Variants in SLC39A6 observed in about 807,000 individuals in gnomAD.
The protein encoded by SLC39A6 is solute carrier family 39 member 6, also known as zinc transporter ZIP6.
In SLC39A6, 51 loss-of-function variants were observed where a neutral mutation model predicts 63.5. The ratio of observed to expected loss-of-function variants is 0.80; its 90% CI spans 0.64 to 1.01. SLC39A6 has a LOEUF of 1.01. Among genes scored for constraint, SLC39A6 ranks in the 50% least tolerant of loss-of-function variants. The pLI, the probability that SLC39A6 is intolerant of heterozygous loss-of-function variation, is 0.00. For missense variants in SLC39A6, 805 were observed against 927.8 expected (o/e 0.87, Z 1.72); for synonymous variants, 318 against 324.7 (o/e 0.98, Z 0.22).
chr18:36,127,166 A>G, intron 1 of SLC39A6, 150 bp from the exon 2 acceptor site: 1 of 706,750 alleles, frequency 1.4e-6, no homozygotes, highest in Non-Finnish European at 2.3e-6. Context: ...TACTGTGAAG[A>G]TGGAAAGAAC....
rs1183015217 is a variant in SLC39A6, at chr18:36,109,640, G to T, written c.2221C>A (p.Leu741Ile). The T allele has an allele frequency of 6.2e-7, 1 of 1,610,332 alleles. No homozygotes were observed. Among genetic ancestry groups the T allele is most frequent in the African/African-American group, 1.3e-5 (1 of 74,776 alleles). Reference protein sequence around the residue: ...GMLLGFGIMLLISIFEHKIVF... With the variant: ...GMLLGFGIMLIISIFEHKIVF... ...ATTTTATGTTCAAATATGGAAATAAGTAACATAATTCCAAAACCCAAAAGC... is the reference window on the plus strand; with the variant it reads ...ATTTTATGTTCAAATATGGAAATAATTAACATAATTCCAAAACCCAAAAGC... The change falls in exon 10 of 10, where the codon CTT becomes ATT. Residue 741 changes from leucine to isoleucine, a missense_variant. Physicochemically the swap from Leu to Ile is conservative, Grantham distance 5. Around this residue, in one of 4 missense-constraint regions of SLC39A6, gnomAD observed 145 missense variants for 227.2 expected, o/e 0.64. Coordinates refer to ENST00000269187, the MANE Select transcript of SLC39A6 (RefSeq NM_012319.4).
intron 8 of SLC39A6, 151 bp from the exon 9 acceptor site, chr18:36,111,400 G>T: frequency 4.6e-6 from 3 of 652,334 alleles, no homozygotes; most frequent in Non-Finnish European, 7.8e-6. Flanking sequence ...GGTTAAAGCA[G>T]TGTTAGTAAA....
At chr18:36,117,996 A>C (rs1356704843) in intron 5 of SLC39A6, among the ~76,000 whole-genome samples, 1 of 150,510 alleles carries the variant, frequency 6.6e-6, no homozygotes, top group Non-Finnish European at 1.5e-5. Context: ...GCGCCACTGC[A>C]CTCCAGCCGG....
rs1375889598 is a variant in SLC39A6 at position 36,124,652 on chromosome 18, C to T, written c.838G>A (p.Val280Ile). The T allele has an allele frequency of 1.9e-6, 3 of 1,582,014 alleles. No individual in the cohort carries two copies. Among genetic ancestry groups the T allele is most frequent in the Non-Finnish European group, 2.6e-6 (3 of 1,154,500 alleles). ...LLTSHGMGIQ[V>I]PLNATEFNYL... ...TTGAACTCTGTTGCATTCAGCGGAA[C>T]CTGGATGCCCATGCCATGAGATGTC... is the stretch of plus-strand genomic sequence containing the variant. Residue 280 changes from valine to isoleucine, a missense_variant, in exon 3 of 10, where the codon GTT (valine) becomes ATT (isoleucine). Around this residue, in one of 4 missense-constraint regions of SLC39A6, gnomAD observed 639 missense variants for 644.0 expected, o/e 0.99. Transcript: ENST00000269187.
intron 1 of SLC39A6, among the ~76,000 whole-genome samples, chr18:36,127,360 T>C (rs972666101): frequency 6.6e-6 from 1 of 152,190 alleles, no homozygotes; most frequent in Non-Finnish European, 1.5e-5. Flanking sequence ...ATTATTTGAA[T>C]CATTGAGGCC....
chr18:36,109,545 A>ATGAC lies in SLC39A6; in HGVS notation c.*47_*48insGTCA. On this transcript the variant is annotated 3_prime_UTR_variant, in exon 10 of 10. Coordinates refer to ENST00000269187, the MANE Select transcript of SLC39A6 (RefSeq NM_012319.4). ...ATACAAACTCATCTCCCTATGACCT[A>ATGAC]CTGAAACTATGACAACTTTTTAAGC... 6.8e-7 allele frequency: 1 copy of ATGAC among 1,478,750 alleles called. No homozygotes were observed. 91.6% of individuals were successfully genotyped at this position (1,478,750 alleles called of 1,614,324 possible).
At chr18:36,115,491 C>T (rs968395711) in intron 6 of SLC39A6, among the ~76,000 whole-genome samples, 19 of 142,954 alleles carry the variant, frequency 1.3e-4, no homozygotes, top group African/African-American at 4.8e-4. Flanking sequence ...ACAACAACAA[C>T]AACCATATAT....
chr18:36,126,170 C>G (rs767677494), intron 2 of SLC39A6, 49 bp downstream of exon 2: 2 of 1,493,056 alleles, frequency 1.3e-6, no homozygotes, highest in Admixed American at 3.5e-5. Flanking sequence ...GTAGCAGAGA[C>G]AGGACAGACA....
At chr18:36,115,885 C>A (rs2089341445) in intron 6 of SLC39A6, among the ~76,000 whole-genome samples, 1 of 152,140 alleles carries the variant, frequency 6.6e-6, no homozygotes, top group South Asian at 2.1e-4. Context: ...TAGATACAAC[C>A]TTAGGCAAGT....
intron 6 of SLC39A6, 120 bp downstream of exon 6, chr18:36,116,554 A>G: frequency 3.0e-6 from 2 of 670,480 alleles, no homozygotes; most frequent in Non-Finnish European, 5.3e-6. Flanking sequence ...ACAAAGTATG[A>G]GATACTGCAA....
At chr18:36,113,424 T>C (rs563737105) in intron 7 of SLC39A6, among the ~76,000 whole-genome samples, 2 of 152,194 alleles carry the variant, frequency 1.3e-5, no homozygotes, top group South Asian at 2.1e-4. Context: ...CATTCCTCCT[T>C]TGTCTGTTTC....
intron 9 of SLC39A6, 48 bp from the exon 10 acceptor site, chr18:36,109,793 A>C (rs755561627): frequency 1.3e-6 from 2 of 1,524,328 alleles, no homozygotes; most frequent in Non-Finnish European, 1.8e-6. Context: ...AAGTTTTTAG[A>C]ACTACAGATT....
chr18:36,125,853 A>T (rs2144512543), intron 2 of SLC39A6, among the ~76,000 whole-genome samples: 1 of 152,282 alleles, frequency 6.6e-6, no homozygotes, highest in Middle Eastern at 3.4e-3. Flanking sequence ...TCCCTACAAT[A>T]TGGATTCTAA....
intron 6 of SLC39A6, 122 bp downstream of exon 6, chr18:36,116,552 T>A (rs776954096): frequency 6.0e-6 from 4 of 667,508 alleles, no homozygotes; most frequent in Non-Finnish European, 1.1e-5. Flanking sequence ...TTACAAAGTA[T>A]GAGATACTGC....
At chr18:36,117,829 A>G (rs931173967) in intron 5 of SLC39A6, among the ~76,000 whole-genome samples, 1 of 152,176 alleles carries the variant, frequency 6.6e-6, no homozygotes, top group Non-Finnish European at 1.5e-5. Flanking sequence ...CAGGAGATCG[A>G]GACCATCCTG....
rs1357201070 is a variant in SLC39A6, at chr18:36,126,667, T to C, written c.341A>G (p.His114Arg). 6.2e-7 allele frequency: 1 copy of C among 1,601,976 alleles called. No individual in the cohort carries two copies. Among genetic ancestry groups the C allele is most frequent in the Non-Finnish European group, 8.5e-7 (1 of 1,172,138 alleles). ...HHSDHERHSDHEHHSEHEHHS... is the reference protein window; with the variant it reads ...HHSDHERHSDREHHSEHEHHS... ...ATGCTCGTGCTCTGAGTGATGCTCA[T>C]GGTCTGAGTGACGCTCATGGTCTGA... is the stretch of plus-strand genomic sequence containing the variant. The change falls in exon 2 of 10, where the codon CAT becomes CGT. Residue 114 changes from histidine (H) to arginine (R), a missense_variant. By Grantham distance (29) the His-to-Arg change is conservative. Around this residue, in one of 4 missense-constraint regions of SLC39A6, gnomAD observed 639 missense variants for 644.0 expected, o/e 0.99. Transcript: ENST00000269187.
chr18:36,119,322 C>A (rs1027874118), intron 5 of SLC39A6, among the ~76,000 whole-genome samples: 5 of 152,158 alleles, frequency 3.3e-5, no homozygotes, highest in African/African-American at 1.2e-4. Context: ...AAGTCTTCAT[C>A]TAGAAATTAT....
At position 36,124,571 on chromosome 18, in the gene SLC39A6, T is replaced by C. The variant is rs1258560484; in HGVS notation, c.919A>G (p.Thr307Ala). The change falls in exon 3 of 10, where the codon ACA becomes GCA. Residue 307 changes from threonine (T) to alanine (A), a missense_variant. Physicochemically the swap from Thr to Ala is moderately conservative, Grantham distance 58. This residue lies in a region of SLC39A6 where 639 missense variants were observed against 644.0 expected (regional missense o/e 0.99). Coordinates refer to ENST00000269187, the MANE Select transcript of SLC39A6 (RefSeq NM_012319.4). Reference protein sequence around the residue: ...QIDARSCLIHTSEKKAEIPPK... With the variant: ...QIDARSCLIHASEKKAEIPPK... ...GGGATTTCAGCCTTCTTTTCACTTG[T>C]ATGAATCAGACAAGATCTAGCATCA... 1 of 1,581,952 alleles carries C rather than the reference T, an allele frequency of 6.3e-7. No homozygotes were observed.
intron 4 of SLC39A6, among the ~76,000 whole-genome samples, chr18:36,123,154 T>C (rs903662094): frequency 2.6e-5 from 4 of 152,146 alleles, no homozygotes; most frequent in Non-Finnish European, 2.9e-5. Context: ...ACATAAAGGG[T>C]CACATATTTT....
Sources: allele counts gnomAD v4.1 joint callset (sites outside exome capture counted in the v4.1 genomes callset), GRCh38; gene constraint gnomAD v4.1.1; regional missense constraint gnomAD v4.1.1; transcripts MANE v1.5; gene names NCBI Gene and HGNC (gene_info 2026-07-23, HGNC 2026-07-21).